CEP128: variants seen among roughly 807,000 people sequenced by gnomAD.
The protein encoded by CEP128 is centrosomal protein 128, also known as centrosomal protein 128kDa.
CEP128 carries 132 observed loss-of-function variants against 156.7 expected under a neutral mutation model. That is an observed-to-expected ratio of 0.84 (90% CI 0.73 to 0.97). CEP128 has a LOEUF of 0.97. Ranked by LOEUF, CEP128 falls within the 50% of genes least tolerant of loss-of-function variation. The pLI is 0.00. For missense variants in CEP128, 1,252 were observed against 1,281.9 expected (o/e 0.98, Z 0.36); for synonymous variants, 469 against 448.9 (o/e 1.04, Z -0.57).
intron 8 of CEP128, among the ~76,000 whole-genome samples, chr14:80,890,441 C>G (rs1305308910): frequency 6.6e-6 from 1 of 152,116 alleles, no homozygotes; most frequent in East Asian, 1.9e-4. Context: ...GAATACTATC[C>G]AGTCATTTAA....
At chr14:80,813,308 C>T (rs1030702926) in intron 13 of CEP128, among the ~76,000 whole-genome samples, 1 of 152,092 alleles carries the variant, frequency 6.6e-6, no homozygotes, top group African/African-American at 2.4e-5. Context: ...TACATGATTG[C>T]ATTTCCTAGG....
At chr14:80,810,598 CTT>C (rs1256319645) in intron 13 of CEP128, among the ~76,000 whole-genome samples, 1 of 151,778 alleles carries the variant, frequency 6.6e-6, no homozygotes, top group East Asian at 1.9e-4. Context: ...CTGTAGTTTT[CTT>C]TTTAGGTTAT....
upstream of CEP128, chr14:80,945,413 A>G (rs2371461): frequency 0.36 from 54,607 of 152,064 alleles, 9,961 homozygotes; most frequent in East Asian, 0.51. Context: ...AGTGTCATCA[A>G]TGATCTCATT....
intron 14 of CEP128, among the ~76,000 whole-genome samples, chr14:80,479,646 C>T (rs940539863): frequency 6.6e-6 from 1 of 152,100 alleles, no homozygotes; most frequent in Admixed American, 6.5e-5. Flanking sequence ...GGTGGGGACA[C>T]AGCCAAACCG....
chr14:80,782,941 A>C (rs749159888), intron 15 of CEP128, among the ~76,000 whole-genome samples: 1 of 152,156 alleles, frequency 6.6e-6, no homozygotes, highest in Non-Finnish European at 1.5e-5. Flanking sequence ...TTTCCTTAAA[A>C]CATTAGAGTT....
At chr14:80,780,922 T>C (rs1901074751) in intron 15 of CEP128, among the ~76,000 whole-genome samples, 1 of 152,308 alleles carries the variant, frequency 6.6e-6, no homozygotes, top group African/African-American at 2.4e-5. Flanking sequence ...GCAGCCTAAA[T>C]GTGCTGTACC....
In CEP128 at chr14:80,580,401, T is replaced by G; in HGVS notation, c.2829A>C (p.Arg943Ser). 1 of 1,600,294 alleles carries G rather than the reference T, an allele frequency of 6.2e-7. No individual in the cohort carries two copies. The highest frequency in any genetic ancestry group is 8.6e-7 in the Non-Finnish European group (1 of 1,169,040). ...GCAGAGATCCCATTTCTTCATCTTT[T>G]CTTTGGGTCTCTTCCAGTAGATCTG... ...EKRDLLEETQ[R>S]KDEEMGSLQD... The change falls in exon 20 of 25, where the codon AGA (arginine) becomes AGC (serine). Residue 943 changes from arginine to serine, a missense_variant. Transcript: ENST00000555265.
rs78875788 is a variant in CEP128, at chr14:80,924,646, A to G, written c.-15-8084T>C. On this transcript the variant is annotated intron_variant, in intron 2 of 24. Transcript: ENST00000555265. ...ACTTAAAACCTGTCTAGAGAAAAGT[A>G]GACAGGATCCAAATAAGCTGAGCTC... Among the ~76,000 whole-genome samples the G allele has an allele frequency of 3.1e-3, 478 of 152,268 alleles. 7 individuals are homozygous for G. Among genetic ancestry groups the G allele is most frequent in the Non-Finnish European group, 2.9e-3 (200 of 68,000 alleles).
chr14:80,824,032 C>T (rs952395930), intron 13 of CEP128, among the ~76,000 whole-genome samples: 1 of 152,250 alleles, frequency 6.6e-6, no homozygotes, highest in Non-Finnish European at 1.5e-5. Context: ...TCCCAAACCT[C>T]AATTCTTGAC....
intron 2 of CEP128, among the ~76,000 whole-genome samples, chr14:80,931,863 T>C (rs1021247306): frequency 2.6e-5 from 4 of 152,196 alleles, no homozygotes; most frequent in Non-Finnish European, 5.9e-5. Flanking sequence ...TCCCAGCTGG[T>C]GTATGATCAT....
intron 13 of CEP128, among the ~76,000 whole-genome samples, chr14:80,811,674 C>CAT (rs58956440): frequency 9.0e-6 from 1 of 111,558 alleles, no homozygotes; most frequent in African/African-American, 3.6e-5. Context: ...TGTGTACAGA[C>CAT]ATATGTGTGT....
chr14:80,788,002 G>A (rs1374995128), intron 14 of CEP128, among the ~76,000 whole-genome samples: 1 of 152,058 alleles, frequency 6.6e-6, no homozygotes, highest in Non-Finnish European at 1.5e-5. Flanking sequence ...TCCTGACAAG[G>A]GTGACAGCCA....
chr14:80,718,402 G>T (rs1897688971), intron 19 of CEP128, among the ~76,000 whole-genome samples: 1 of 152,172 alleles, frequency 6.6e-6, no homozygotes, highest in South Asian at 2.1e-4. Context: ...TTTAATGACA[G>T]ACCTCAAATA....
intron 13 of CEP128, among the ~76,000 whole-genome samples, chr14:80,800,406 C>T (rs1444292129): frequency 1.3e-5 from 2 of 152,088 alleles, no homozygotes; most frequent in African/African-American, 4.8e-5. Flanking sequence ...TGACATAATC[C>T]AATGTCTACA....
intron 19 of CEP128, among the ~76,000 whole-genome samples, chr14:80,682,690 G>A (rs1156501861): frequency 1.3e-5 from 2 of 152,178 alleles, no homozygotes; most frequent in African/African-American, 2.4e-5. Flanking sequence ...AAGGCAGCTA[G>A]AGCAAAAGGG....
intron 19 of CEP128, among the ~76,000 whole-genome samples, chr14:80,597,377 A>T (rs1892375347): frequency 6.6e-6 from 1 of 152,152 alleles, no homozygotes; most frequent in Non-Finnish European, 1.5e-5. Context: ...ACCCAATGTA[A>T]AATACCTAAT....
intron 2 of CEP128, among the ~76,000 whole-genome samples, chr14:80,956,143 T>C (rs1228094258): frequency 1.3e-5 from 2 of 152,236 alleles, no homozygotes; most frequent in East Asian, 3.8e-4. Flanking sequence ...TTCAGCACTT[T>C]GCCTAACCCT....
chr14:80,600,466 G>A (rs938200620), intron 19 of CEP128, among the ~76,000 whole-genome samples: 1 of 152,012 alleles, frequency 6.6e-6, no homozygotes, highest in African/African-American at 2.4e-5. Flanking sequence ...TATTCGAAGG[G>A]ATAAACAGAA....
In CEP128 at chr14:80,812,426, G is replaced by C. The variant is rs146572742; in HGVS notation, c.1209+18717C>G. ...TTCCTTTCAGTATATACCCAGTAAT[G>C]GGATTTCTGGGTTTAATGGTAGCTC... On this transcript the variant is annotated intron_variant, in intron 13 of 24. Transcript: ENST00000555265. Among the ~76,000 whole-genome samples the C allele has an allele frequency of 1.3e-3, 194 of 152,318 alleles. 1 individual carries two copies. The highest frequency in any genetic ancestry group is 4.5e-3 in the African/African-American group (188 of 41,556).
Sources: gnomAD v4.1 joint callset for allele counts (sites outside exome capture counted in the v4.1 genomes callset) on GRCh38, gnomAD v4.1.1 for gene constraint, MANE v1.5 for transcripts, NCBI Gene and HGNC (gene_info 2026-07-23, HGNC 2026-07-21) for gene names.